Variants in TBL1XR1 observed in about 807,000 individuals in gnomAD.
The protein encoded by TBL1XR1 is F-box-like/WD repeat-containing protein TBL1XR1.
In TBL1XR1, 5 loss-of-function variants were observed where a neutral mutation model predicts 66.9. The observed-to-expected ratio is 0.07, with a 90% CI of 0.04 to 0.16. TBL1XR1 has a LOEUF of 0.16. Among genes scored for constraint, TBL1XR1 ranks in the 10% least tolerant of loss-of-function variants. The pLI, the probability that TBL1XR1 is intolerant of heterozygous loss-of-function variation, is 1.00. For synonymous variants in TBL1XR1, 210 were observed against 206.0 expected (o/e 1.02, Z -0.17); for missense variants, 238 against 623.2 (o/e 0.38, Z 6.58).
At position 177,029,318 on chromosome 3, in the gene TBL1XR1, T is replaced by C. The variant is rs531384071; in HGVS notation, c.1417-2844A>G. On this transcript the variant is annotated intron_variant, in intron 14 of 15. Transcript: ENST00000457928. ...AGATAAATACATCTAAACATTAACA[T>C]TAAAAACTTTCATATGATCTGGGCG... 2.4e-4 allele frequency among the ~76,000 whole-genome samples: 36 copies of C among 152,202 alleles called. No homozygotes were observed. The South Asian group carries it at 6.6e-3, about 28-fold the overall frequency.
intron 12 of TBL1XR1, 111 bp downstream of exon 12, chr3:177,037,987 T>G: frequency 1.2e-6 from 1 of 820,088 alleles, no homozygotes; most frequent in Non-Finnish European, 1.9e-6. Context: ...GGAGTTTTCA[T>G]GCAGGTACAA....
At chr3:177,125,128 A>C (rs1727455721) in intron 1 of TBL1XR1, among the ~76,000 whole-genome samples, 1 of 152,188 alleles carries the variant, frequency 6.6e-6, no homozygotes. Flanking sequence ...AAGAAAGTGA[A>C]AACCCACAGA....
chr3:177,050,181 C>G, intron 6 of TBL1XR1, 43 bp from the exon 7 acceptor site: 2 of 1,599,710 alleles, frequency 1.3e-6, no homozygotes, highest in Non-Finnish European at 1.7e-6. Flanking sequence ...ATGACATTCT[C>G]ACGTATCAGA....
At position 177,162,433 on chromosome 3, in the gene TBL1XR1, A is replaced by G. The variant is rs973133912; in HGVS notation, c.-122+34688T>C. Among the ~76,000 whole-genome samples the G allele has an allele frequency of 5.9e-5, 9 of 152,348 alleles. No individual in the cohort carries two copies. The South Asian group carries it at 1.2e-3, about 21-fold the overall frequency. On this transcript the variant is annotated intron_variant, in intron 1 of 15. Transcript: ENST00000457928. Reference sequence around the variant, plus strand: ...TTTGTTGGTAGTTACAAGGGTGGATAATATGTTTTAATTTTAAAAAATCAT... The same window carrying G: ...TTTGTTGGTAGTTACAAGGGTGGATGATATGTTTTAATTTTAAAAAATCAT...
At chr3:177,083,891 C>G (rs1721771805) in intron 2 of TBL1XR1, among the ~76,000 whole-genome samples, 1 of 151,856 alleles carries the variant, frequency 6.6e-6, no homozygotes. Context: ...AGTTCGAGAT[C>G]AGCCTGGCCA....
intron 2 of TBL1XR1, among the ~76,000 whole-genome samples, chr3:177,080,305 C>G (rs376184043): frequency 6.6e-6 from 1 of 152,036 alleles, no homozygotes; most frequent in Non-Finnish European, 1.5e-5. Context: ...AATTATGGCC[C>G]GAAAAGACCT....
intron 1 of TBL1XR1, among the ~76,000 whole-genome samples, chr3:177,159,481 G>A (rs76630445): frequency 0.036 from 5,405 of 152,084 alleles, 333 homozygotes; most frequent in African/African-American, 0.12. Flanking sequence ...ACATATAAAT[G>A]ACAAGCTTGA....
At chr3:177,123,198 T>C (rs1727194689) in intron 1 of TBL1XR1, among the ~76,000 whole-genome samples, 1 of 152,132 alleles carries the variant, frequency 6.6e-6, no homozygotes, top group Admixed American at 6.6e-5. Flanking sequence ...TTTTTAAAAA[T>C]GTACAGTAAC....
rs771909324 is a variant in TBL1XR1 at position 177,026,412 on chromosome 3, T to G, written c.1479A>C (p.Ala493=). The G allele has an allele frequency of 6.2e-7, 1 of 1,613,108 alleles. No homozygotes were observed. The highest frequency in any genetic ancestry group is 1.3e-5 in the African/African-American group (1 of 74,958). Residue 493 remains alanine, a synonymous_variant, in exon 15 of 16, where the codon GCA becomes GCC. Coordinates refer to ENST00000457928, the MANE Select transcript of TBL1XR1 (RefSeq NM_024665.7). ...CACTGGCTCCAACTTTGTCTCCTGC[T>G]GCATTCCAGCAAACTTCAAATATTC... The part of the protein sequence containing the change: ...TGGIFEVCWN[A]AGDKVGASAS...
chr3:177,162,480 A>ATTATGTTC (rs1220482079), intron 1 of TBL1XR1, among the ~76,000 whole-genome samples: 6 of 152,262 alleles, frequency 3.9e-5, no homozygotes, highest in Admixed American at 1.3e-4. Context: ...ATTTATGGTA[A>ATTATGTTC]CAGAAATTAG....
chr3:177,149,727 G>A (rs1050569225), intron 1 of TBL1XR1, among the ~76,000 whole-genome samples: 3 of 152,038 alleles, frequency 2.0e-5, no homozygotes, highest in Non-Finnish European at 4.4e-5. Flanking sequence ...GGGGCCGGAG[G>A]GGGACACAAC....
chr3:177,067,448 A>G (rs1192711194), intron 2 of TBL1XR1, among the ~76,000 whole-genome samples: 3 of 151,620 alleles, frequency 2.0e-5, no homozygotes, highest in Admixed American at 6.6e-5. Flanking sequence ...AGCAAAGGCC[A>G]TCAATTTCCC....
At chr3:177,192,078 G>A (rs1010801041) in intron 1 of TBL1XR1, among the ~76,000 whole-genome samples, 1 of 128,570 alleles carries the variant, frequency 7.8e-6, no homozygotes, top group East Asian at 2.7e-4. Context: ...GGGTGACAGA[G>A]CAAGACTCTG....
intron 1 of TBL1XR1, among the ~76,000 whole-genome samples, chr3:177,194,628 C>G (rs1736590797): frequency 6.6e-6 from 1 of 152,138 alleles, no homozygotes; most frequent in African/African-American, 2.4e-5. Flanking sequence ...TAGATTTAAT[C>G]AACAAGTTGA....
chr3:177,161,536 A>C (rs1396450405), intron 1 of TBL1XR1, among the ~76,000 whole-genome samples: 1 of 152,146 alleles, frequency 6.6e-6, no homozygotes, highest in Admixed American at 6.5e-5. Context: ...TAATCCTAGC[A>C]CTTTGGGAGG....
intron 13 of TBL1XR1, among the ~76,000 whole-genome samples, chr3:177,033,703 G>A (rs1162729283): frequency 6.6e-6 from 1 of 152,074 alleles, no homozygotes; most frequent in African/African-American, 2.4e-5. Context: ...CTAACAAGTG[G>A]ATAAAGAAAA....
At chr3:177,108,052 T>C (rs1725098414) in intron 1 of TBL1XR1, among the ~76,000 whole-genome samples, 1 of 151,572 alleles carries the variant, frequency 6.6e-6, no homozygotes, top group African/African-American at 2.4e-5. Context: ...ACACCAGATA[T>C]GGTCCACAGG....
chr3:177,113,928 A>C (rs1395481819), intron 1 of TBL1XR1, among the ~76,000 whole-genome samples: 1 of 152,192 alleles, frequency 6.6e-6, no homozygotes, highest in Non-Finnish European at 1.5e-5. Context: ...ACTGAAAATA[A>C]TATGAAGGTT....
In TBL1XR1 at chr3:177,019,491, G is replaced by A. The variant is rs1486211560; in HGVS notation, c.*6007C>T. 6.6e-6 allele frequency: 1 copy of A among 152,152 alleles called. No homozygotes were observed. The highest frequency in any genetic ancestry group is 2.4e-5 in the African/African-American group (1 of 41,452). The allele number at this position is 152,152 out of a possible 1,614,324, so 9.4% of individuals were successfully genotyped here. On this transcript the variant is annotated 3_prime_UTR_variant, in exon 16 of 16. Transcript: ENST00000457928. ...TAAGATGACATTTAAGAAGCATGCA[G>A]AAAAAGTAGCATAGGGTTAACATTT...
Sources: allele counts gnomAD v4.1 joint callset (sites outside exome capture counted in the v4.1 genomes callset), GRCh38; gene constraint gnomAD v4.1.1; transcripts MANE v1.5; gene names NCBI Gene and HGNC (gene_info 2026-07-23, HGNC 2026-07-21).